Variants in MTRF1 observed in about 807,000 individuals in gnomAD.
The protein encoded by MTRF1 is peptide chain release factor 1, mitochondrial.
Under a neutral mutation model 62.9 loss-of-function variants are expected in MTRF1, and 51 were observed. That is an observed-to-expected ratio of 0.81 (90% CI 0.65 to 1.02). MTRF1 has a LOEUF of 1.02. Ranked by LOEUF, MTRF1 falls within the 50% of genes least tolerant of loss-of-function variation. The pLI is 0.00. For missense variants in MTRF1, 446 were observed against 530.0 expected, an observed-to-expected ratio of 0.84 and a Z score of 1.56; for synonymous variants, 158 against 181.9, an observed-to-expected ratio of 0.87 and a Z score of 1.06.
chr13:41,260,075 G>C (rs2040263003), intron 2 of MTRF1, among the ~76,000 whole-genome samples: 1 of 152,172 alleles, frequency 6.6e-6, no homozygotes. Flanking sequence ...TGTTTACTTA[G>C]TACATTGATC....
intron 5 of MTRF1, among the ~76,000 whole-genome samples, chr13:41,247,725 G>A (rs1188458390): frequency 6.6e-6 from 1 of 152,120 alleles, no homozygotes; most frequent in Non-Finnish European, 1.5e-5. Context: ...CACCATAATA[G>A]CCTTTGCTCC....
At chr13:41,295,432 T>C in the MTRF1 span, among the ~76,000 whole-genome samples, 7 of 152,344 alleles carry the variant, frequency 4.6e-5, no homozygotes, top group Admixed American at 1.3e-4. Flanking sequence ...GGACAAACTC[T>C]TCCTCTGTCT....
intron 6 of MTRF1, chr13:41,236,022 T>C (rs1255719827): frequency 6.7e-6 from 1 of 148,230 alleles, no homozygotes; most frequent in Non-Finnish European, 1.5e-5. Context: ...TGGAAACTTA[T>C]ACACAGACAC....
chr13:41,299,932 G>A, the MTRF1 span, among the ~76,000 whole-genome samples: 3 of 152,148 alleles, frequency 2.0e-5, no homozygotes, highest in Middle Eastern at 3.2e-3. Flanking sequence ...TTCAATTTCA[G>A]CCCTTTCAAT....
At chr13:41,247,467 T>C (rs2038418224) in intron 5 of MTRF1, among the ~76,000 whole-genome samples, 1 of 152,216 alleles carries the variant, frequency 6.6e-6, no homozygotes, top group Non-Finnish European at 1.5e-5. Flanking sequence ...ACATCTGGTA[T>C]AGCAGCTGCA....
intron 3 of MTRF1, among the ~76,000 whole-genome samples, chr13:41,254,263 T>C (rs1208892660): frequency 1.3e-5 from 2 of 152,232 alleles, no homozygotes; most frequent in African/African-American, 4.8e-5. Flanking sequence ...CTAAATTTCT[T>C]TACCAGCACG....
chr13:41,225,808 T>TAA (rs11368326), intron 8 of MTRF1, among the ~76,000 whole-genome samples: 15 of 121,106 alleles, frequency 1.2e-4, no homozygotes, highest in Non-Finnish European at 1.7e-4. Flanking sequence ...ACTCTGTCAT[T>TAA]AAAAAAAAAA....
chr13:41,266,638 G>C (rs972623787), upstream of MTRF1, among the ~76,000 whole-genome samples: 8 of 151,874 alleles, frequency 5.3e-5, no homozygotes, highest in Admixed American at 4.6e-4. Flanking sequence ...AAAACAGTGA[G>C]ACTTTATCTC....
At chr13:41,294,201 C>T in the MTRF1 span, among the ~76,000 whole-genome samples, 1 of 151,920 alleles carries the variant, frequency 6.6e-6, no homozygotes, top group Admixed American at 6.6e-5. Flanking sequence ...AGGCAGATCA[C>T]GAGGTCAAGA....
the MTRF1 span, among the ~76,000 whole-genome samples, chr13:41,294,173 A>G: frequency 6.6e-6 from 1 of 152,142 alleles, no homozygotes; most frequent in Non-Finnish European, 1.5e-5. Flanking sequence ...TAATCCCAGC[A>G]CTTTGGGAGG....
At chr13:41,262,350 A>AG (rs1198344975) in intron 1 of MTRF1, 1 of 148,570 alleles carries the variant, frequency 6.7e-6, no homozygotes, top group East Asian at 1.9e-4. Context: ...AAAAAAAAAA[A>AG]AAAAAAAGAA....
the MTRF1 span, among the ~76,000 whole-genome samples, chr13:41,285,423 A>G: frequency 1.1e-4 from 17 of 152,190 alleles, no homozygotes; most frequent in Non-Finnish European, 2.2e-4. Flanking sequence ...GCAGGAATTC[A>G]GAGTGATTTC....
chr13:41,231,617 GCT>G (rs2035572177), intron 7 of MTRF1, among the ~76,000 whole-genome samples: 1 of 152,140 alleles, frequency 6.6e-6, no homozygotes, highest in Non-Finnish European at 1.5e-5. Flanking sequence ...TAATAAAAAA[GCT>G]GATTAATCCT....
At chr13:41,243,089 C>T (rs1413182826) in intron 5 of MTRF1, among the ~76,000 whole-genome samples, 3 of 151,886 alleles carry the variant, frequency 2.0e-5, no homozygotes, top group East Asian at 1.9e-4. Flanking sequence ...CGTGGTGGCG[C>T]GCACCTGTCA....
the MTRF1 span, among the ~76,000 whole-genome samples, chr13:41,283,486 T>C: frequency 6.6e-6 from 1 of 152,016 alleles, no homozygotes; most frequent in Non-Finnish European, 1.5e-5. Flanking sequence ...ACTTTTACCT[T>C]AAGCTCCAGT....
the MTRF1 span, among the ~76,000 whole-genome samples, chr13:41,300,479 G>C: frequency 6.6e-6 from 1 of 151,870 alleles, no homozygotes; most frequent in African/African-American, 2.4e-5. Flanking sequence ...CCAGCTACTC[G>C]GGAGGCTGAG....
At chr13:41,222,187 T>G (rs968786764) in intron 9 of MTRF1, among the ~76,000 whole-genome samples, 2 of 152,176 alleles carry the variant, frequency 1.3e-5, no homozygotes, top group African/African-American at 4.8e-5. Context: ...GTCTGCTGCC[T>G]TTTCCACATA....
intron 7 of MTRF1, among the ~76,000 whole-genome samples, chr13:41,230,257 A>G (rs2035288551): frequency 6.6e-6 from 1 of 151,828 alleles, no homozygotes; most frequent in Non-Finnish European, 1.5e-5. Flanking sequence ...TTGCTCATGC[A>G]TATATTCTTT....
chr13:41,269,084 A>C, the MTRF1 span, among the ~76,000 whole-genome samples: 1 of 147,022 alleles, frequency 6.8e-6, no homozygotes, highest in African/African-American at 2.5e-5. Context: ...ATTGTTTCTT[A>C]TATAAAATTA....
Sources: gnomAD v4.1 joint callset for allele counts (sites outside exome capture counted in the v4.1 genomes callset) on GRCh38, gnomAD v4.1.1 for gene constraint, MANE v1.5 for transcripts, NCBI Gene and HGNC (gene_info 2026-07-23, HGNC 2026-07-21) for gene names.